Variants in NELFA observed in about 807,000 individuals in gnomAD.
NELFA encodes the protein negative elongation factor complex member A.
In NELFA, 35 loss-of-function variants were observed where a neutral mutation model predicts 51.8. The observed-to-expected ratio is 0.68, with a 90% CI of 0.52 to 0.90. The LOEUF is 0.90. NELFA is among the 40% of genes least tolerant of loss of function. The pLI is 0.00. For synonymous variants in NELFA, 417 were observed against 338.4 expected (o/e 1.23, Z -2.55); for missense variants, 658 against 746.4 (o/e 0.88, Z 1.38).
intron 1 of NELFA, among the ~76,000 whole-genome samples, chr4:1,994,447 C>A (rs762611375): frequency 6.6e-6 from 1 of 151,960 alleles, no homozygotes; most frequent in East Asian, 1.9e-4. Context: ...CTCCTGTAAT[C>A]CCAGCTACTG....
Position 1,983,948 on chromosome 4 carries a change from GGAGGTGTGGTGGGTGTCA to G in NELFA, c.1184_1201del (p.Leu395_Pro400del). On this transcript the variant is annotated inframe_deletion, in exon 9 of 11. Transcript: ENST00000382882. ...TGTCTGAGTGGTAGGGGCGACAGCC[GGAGGTGTGGTGGGTGTCA>G]GAGGCGAGGTGGGCGCCGCAGGCGT... 2.5e-6 allele frequency: 4 copies of G among 1,611,536 alleles called. No homozygotes were observed. Among genetic ancestry groups the G allele is most frequent in the Non-Finnish European group, 3.4e-6 (4 of 1,179,378 alleles).
At position 1,987,673 on chromosome 4, in the gene NELFA, C is replaced by T. The variant is rs148717903; in HGVS notation, c.634+245G>A. 1,437 of 509,648 alleles carry T rather than the reference C, an allele frequency of 2.8e-3. 5 individuals carry two copies. Among genetic ancestry groups the T allele is most frequent in the Non-Finnish European group, 3.7e-3 (1,078 of 290,020 alleles). The allele number at this position is 509,648 out of a possible 1,614,324, so 31.6% of individuals were successfully genotyped here. A position where few individuals can be genotyped will look rare whatever the true frequency, so the allele number is the denominator to read the frequency against. ...CCTCAGATCCCGGCCTTCCTGTCTCCGTGCCCAGCACTGTCCTCAGATCCC... is the reference window on the plus strand; with the variant it reads ...CCTCAGATCCCGGCCTTCCTGTCTCTGTGCCCAGCACTGTCCTCAGATCCC... On this transcript the variant is annotated intron_variant, in intron 4 of 10. Transcript: ENST00000382882.
At position 1,986,496 on chromosome 4, in the gene NELFA, G is replaced by A. The variant is rs564419764; in HGVS notation, c.635-94C>T. ...ACGTCCCACCCTCTTCTAGGCTAGC[G>A]CCGCAGAGGGGAAGGGCCAAACCCC... On this transcript the variant is annotated intron_variant, in intron 4 of 10. Transcript: ENST00000382882. The A allele has an allele frequency of 8.0e-5, 125 of 1,571,310 alleles. 2 individuals are homozygous for A. The highest frequency in any genetic ancestry group is 6.5e-4 in the South Asian group (56 of 85,934).
chr4:1,985,918 C>A, intron 6 of NELFA, 54 bp from the exon 7 acceptor site: 2 of 1,486,542 alleles, frequency 1.3e-6, no homozygotes, highest in Non-Finnish European at 1.8e-6. Context: ...GCAGTGTCAG[C>A]TCAGGGCAGC....
At chr4:1,992,839 C>G (rs1208223585) in intron 1 of NELFA, among the ~76,000 whole-genome samples, 1 of 152,216 alleles carries the variant, frequency 6.6e-6, no homozygotes, top group Non-Finnish European at 1.5e-5. Flanking sequence ...CCAAGCCCCT[C>G]TGCATCTGCC....
In NELFA at chr4:2,008,968, A is replaced by G; in HGVS notation, c.-9T>C. On this transcript the variant is annotated 5_prime_UTR_variant, in exon 1 of 11. Coordinates refer to ENST00000382882, the MANE Select transcript of NELFA (RefSeq NM_005663.5). ...TCCCGCATGGACGCCATCTTGGGGGAAAGCGCGCGCCGCTGCCCCGGCATC... is the reference window on the plus strand; with the variant it reads ...TCCCGCATGGACGCCATCTTGGGGGGAAGCGCGCGCCGCTGCCCCGGCATC... The G allele has an allele frequency of 1.3e-6, 2 of 1,552,682 alleles. No individual in the cohort carries two copies. Among genetic ancestry groups the G allele is most frequent in the Non-Finnish European group, 1.7e-6 (2 of 1,147,724 alleles).
intron 7 of NELFA, 86 bp downstream of exon 7, chr4:1,985,690 T>C: frequency 4.1e-6 from 4 of 983,500 alleles, no homozygotes; most frequent in Non-Finnish European, 4.8e-6. Context: ...ATATATATTC[T>C]CCGACAGAGC....
In NELFA at chr4:1,990,682, C is replaced by G. The variant is rs529403580; in HGVS notation, c.383-813G>C. ...TCTCTGGGTGCTGCCCTTGAAGGAG[C>G]TGGGGCACAACGTTTGGGCTCTGAG... On this transcript the variant is annotated intron_variant, in intron 2 of 10. Transcript: ENST00000382882. 2.0e-5 allele frequency among the ~76,000 whole-genome samples: 3 copies of G among 152,360 alleles called. No individual in the cohort carries two copies. The East Asian group carries it at 5.8e-4, about 29-fold the overall frequency.
chr4:1,983,754 C>T (rs1177371931), intron 9 of NELFA, 59 bp from the exon 10 acceptor site: 1 of 1,600,508 alleles, frequency 6.2e-7, no homozygotes, highest in Admixed American at 1.7e-5. Context: ...TCCTGCATCC[C>T]CCTGCAGGCA....
In NELFA at chr4:1,989,918, C is replaced by T. The variant is rs777634088; in HGVS notation, c.383-49G>A. The stretch of plus-strand genomic sequence containing the variant: ...TTAGGGGCGCCCAGGCCGCAGACCT[C>T]CCGGCTGAGAGGAGCTGGCGGCTGC... On this transcript the variant is annotated intron_variant, in intron 2 of 10. Transcript: ENST00000382882. The surrounding 1 kb of genome is among the most constrained non-coding windows in gnomAD (Gnocchi z 4.8). 2.6e-4 allele frequency: 410 copies of T among 1,586,432 alleles called. 1 individual carries two copies. The highest frequency in any genetic ancestry group is 8.3e-4 in the Admixed American group (47 of 56,454).
In NELFA at chr4:1,983,246, G is replaced by A. The variant is rs990053663; in HGVS notation, c.*73C>T. ...CTCGGGGGCCAGGTGTCCGCCATCC[G>A]GTTACTTTAAGCTGGCAAAGCCATC... On this transcript the variant is annotated 3_prime_UTR_variant, in exon 11 of 11. Coordinates refer to ENST00000382882, the MANE Select transcript of NELFA (RefSeq NM_005663.5). 49 of 1,488,056 alleles carry A rather than the reference G, an allele frequency of 3.3e-5. No homozygotes were observed. The highest frequency in any genetic ancestry group is 1.8e-4 in the Middle Eastern group (1 of 5,580). 92.2% of individuals were successfully genotyped at this position (1,488,056 alleles called of 1,614,324 possible).
intron 6 of NELFA, 74 bp downstream of exon 6, chr4:1,986,040 G>A: frequency 6.7e-7 from 1 of 1,503,412 alleles, no homozygotes; most frequent in Non-Finnish European, 9.0e-7. Flanking sequence ...GCCGAGCGTG[G>A]GCACAACCCA....
chr4:1,986,324 C>T lies in NELFA; in HGVS notation c.713G>A (p.Arg238Gln), dbSNP rs1728094085. 5 of 1,597,008 alleles carry T rather than the reference C, an allele frequency of 3.1e-6. No homozygotes were observed. Among genetic ancestry groups the T allele is most frequent in the Middle Eastern group, 1.7e-4 (1 of 6,036 alleles). The stretch of plus-strand genomic sequence containing the variant: ...CGTCCTGGAAGGCGGGATGGGGGTC[C>T]GGTTCCCTGTGGGGCTGAAGACGCT... Reference protein sequence around the residue: ...APSVFSPTGNRTPIPPSRTLL... With the variant: ...APSVFSPTGNQTPIPPSRTLL... Residue 238 changes from arginine (R) to glutamine (Q), a missense_variant, in exon 5 of 11, where the codon CGG becomes CAG. This residue lies in a region of NELFA where 371 missense variants were observed against 448.3 expected (regional missense o/e 0.83). Coordinates refer to ENST00000382882, the MANE Select transcript of NELFA (RefSeq NM_005663.5).
intron 2 of NELFA, among the ~76,000 whole-genome samples, chr4:1,990,665 T>A (rs1438277494): frequency 6.6e-6 from 1 of 152,182 alleles, no homozygotes; most frequent in Non-Finnish European, 1.5e-5. Flanking sequence ...TCTCTCTGGG[T>A]GCTGCCCTTG....
intron 3 of NELFA, among the ~76,000 whole-genome samples, chr4:1,988,948 T>A (rs1728191739): frequency 6.7e-6 from 1 of 148,322 alleles, no homozygotes; most frequent in East Asian, 2.0e-4. Flanking sequence ...GTTGGTGGGT[T>A]TTTTTTTTTT....
At position 1,989,093 on chromosome 4, in the gene NELFA, G is replaced by A. The variant is rs1422274693; in HGVS notation, c.544+615C>T. On this transcript the variant is annotated intron_variant, in intron 3 of 10. Transcript: ENST00000382882. The surrounding 1 kb of genome is among the most constrained non-coding windows in gnomAD (Gnocchi z 4.8). The stretch of plus-strand genomic sequence containing the variant: ...CCCAAGCAACTGGGATTACAGGCAT[G>A]CACCACCACAGCCAGCTAATTTTTG... 6.6e-6 allele frequency among the ~76,000 whole-genome samples: 1 copy of A among 151,992 alleles called. No individual in the cohort carries two copies. The highest frequency in any genetic ancestry group is 1.5e-5 in the Non-Finnish European group (1 of 68,008).
chr4:1,993,435 C>T (rs931681436), intron 1 of NELFA, among the ~76,000 whole-genome samples: 3 of 152,156 alleles, frequency 2.0e-5, no homozygotes, highest in African/African-American at 4.8e-5. Context: ...CAAAATTAGC[C>T]GGGCGTGGTA....
At chr4:2,001,874 G>A (rs908383930) in intron 1 of NELFA, among the ~76,000 whole-genome samples, 24 of 151,084 alleles carry the variant, frequency 1.6e-4, no homozygotes, top group Non-Finnish European at 3.1e-4. Flanking sequence ...CTGCACTCCA[G>A]CCTGGCCGAC....
chr4:1,991,391 C>A (rs567627259), intron 2 of NELFA, among the ~76,000 whole-genome samples, 153 bp downstream of exon 2: 13 of 152,192 alleles, frequency 8.5e-5, no homozygotes, highest in African/African-American at 2.7e-4. Context: ...CAGCAGCTTA[C>A]GGGGGAGGAT....
Sources: allele counts gnomAD v4.1 joint callset (sites outside exome capture counted in the v4.1 genomes callset), GRCh38; gene constraint gnomAD v4.1.1; regional missense constraint gnomAD v4.1.1; non-coding constraint Gnocchi (gnomAD v3.1); transcripts MANE v1.5; gene names NCBI Gene and HGNC (gene_info 2026-07-23, HGNC 2026-07-21).